GAREM2: variants seen among roughly 807,000 people sequenced by gnomAD.
GAREM2 encodes GRB2-associated and regulator of MAPK protein 2.
GAREM2 carries 30 observed loss-of-function variants against 55.6 expected under a neutral mutation model. The observed-to-expected ratio is 0.54, with a 90% CI of 0.40 to 0.73. GAREM2 has a LOEUF of 0.73. Among genes scored for constraint, GAREM2 ranks in the 30% least tolerant of loss-of-function variants. The pLI is 0.00. For missense variants in GAREM2, 1,075 were observed against 1,257.7 expected, an observed-to-expected ratio of 0.85 and a Z score of 2.20; for synonymous variants, 550 against 569.1, an observed-to-expected ratio of 0.97 and a Z score of 0.48.
chr2:26,177,649 C>CTGTGTGTG (rs1246108068), intron 2 of GAREM2, among the ~76,000 whole-genome samples: 3 of 151,184 alleles, frequency 2.0e-5, no homozygotes, highest in Non-Finnish European at 4.4e-5. Flanking sequence ...AGGCCCAGTT[C>CTGTGTGTG]TGTGTGTGTG....
intron 1 of GAREM2, among the ~76,000 whole-genome samples, chr2:26,173,833 C>T (rs1668776431): frequency 6.6e-6 from 1 of 152,216 alleles, no homozygotes; most frequent in African/African-American, 2.4e-5. Context: ...AGCCTCGGTC[C>T]TGGGGCGGGC....
At chr2:26,200,894 G>T in the GAREM2 span, among the ~76,000 whole-genome samples, 10 of 151,850 alleles carry the variant, frequency 6.6e-5, no homozygotes, top group African/African-American at 2.4e-4. Flanking sequence ...CACCATGCCC[G>T]GCTAATTTTT....
chr2:26,176,530 A>G, intron 2 of GAREM2, 46 bp downstream of exon 2: 1 of 1,440,876 alleles, frequency 6.9e-7, no homozygotes, highest in Non-Finnish European at 9.2e-7. Flanking sequence ...AGGGGGGTGT[A>G]GGCAGGAGGG....
In GAREM2 at chr2:26,185,379, T is replaced by A. The variant is rs1013750333; in HGVS notation, c.1428+103T>A. On this transcript the variant is annotated intron_variant, in intron 4 of 5. Transcript: ENST00000401533. ...GTATGTGGCAGACGAGGTGTCTTCC[T>A]CGGCGGGGTGGGGAAGGGGAGAAGG... The A allele has an allele frequency of 2.2e-6, 3 of 1,377,398 alleles. No individual in the cohort carries two copies. The Admixed American group carries it at 1.0e-4, about 47-fold the overall frequency. The allele number at this position is 1,377,398 out of a possible 1,614,324, so 85.3% of individuals were successfully genotyped here. A position where few individuals can be genotyped will look rare whatever the true frequency, so the allele number is the denominator to read the frequency against.
At chr2:26,184,194 G>A (rs1669142291) in intron 3 of GAREM2, 39 bp from the exon 4 acceptor site, 6 of 1,543,170 alleles carry the variant, frequency 3.9e-6, no homozygotes, top group African/African-American at 2.7e-5. Context: ...CTTTCCCTGG[G>A]ACCTGGCTAA....
At position 26,188,175 on chromosome 2, in the gene GAREM2, T is replaced by C; in HGVS notation, c.2543T>C (p.Ile848Thr). The C allele has an allele frequency of 6.5e-7, 1 of 1,547,580 alleles. No individual in the cohort carries two copies. The highest frequency in any genetic ancestry group is 1.2e-5 in the South Asian group (1 of 83,440). ...ATCTTTGTGCAGCTCAGTGAGGACA[T>C]CCTGGCAGATGACTTCCACCTCACC... ...GSIFVQLSED[I>T]LADDFHLTKL... The change falls in exon 6 of 6, where the codon ATC (isoleucine) becomes ACC (threonine). Residue 848 changes from isoleucine to threonine, a missense_variant. This residue lies in a region of GAREM2 where 142 missense variants were observed against 172.3 expected (regional missense o/e 0.82). Coordinates refer to ENST00000401533, the MANE Select transcript of GAREM2 (RefSeq NM_001168241.2).
chr2:26,187,527 CT>C lies in GAREM2; in HGVS notation c.1900del (p.Ser634ProfsTer140). ...TTTGCTCCGTTTGGAGCTCTCAACCCTTTTTCCGGGCCTGCCTACCCCTCAG... is the reference window on the plus strand; with the variant it reads ...TTTGCTCCGTTTGGAGCTCTCAACCCTTTTCCGGGCCTGCCTACCCCTCAG... ...KRFAPFGALNPFSGPAYPSGP... is the reference protein window; with the variant it reads ...KRFAPFGALNXFSGPAYPSGP... On this transcript the variant is annotated frameshift_variant, in exon 6 of 6. Transcript: ENST00000401533. LOFTEE classifies it high-confidence loss of function. 4.6e-6 allele frequency: 7 copies of C among 1,536,994 alleles called. No individual in the cohort carries two copies. Among genetic ancestry groups the C allele is most frequent in the East Asian group, 4.9e-5 (2 of 40,786 alleles).
rs1055578833 is a variant in GAREM2 at position 26,173,191 on chromosome 2, C to T, written c.-30C>T. 68 of 1,050,212 alleles carry T rather than the reference C, an allele frequency of 6.5e-5. No homozygotes were observed. The highest frequency in any genetic ancestry group is 8.2e-5 in the Non-Finnish European group (67 of 821,154). 65.1% of individuals were successfully genotyped at this position (1,050,212 alleles called of 1,614,324 possible). ...CCGCGCGGGACTGACCGTCGGGGCC[C>T]CGGGACGGCGGCCCCGGGGCGCCCA... is the stretch of plus-strand genomic sequence containing the variant. On this transcript the variant is annotated 5_prime_UTR_variant, in exon 1 of 6. Coordinates refer to ENST00000401533, the MANE Select transcript of GAREM2 (RefSeq NM_001168241.2).
At position 26,187,885 on chromosome 2, in the gene GAREM2, C is replaced by A. The variant is rs1330349732; in HGVS notation, c.2253C>A (p.His751Gln). 2 of 1,438,702 alleles carry A rather than the reference C, an allele frequency of 1.4e-6. No individual in the cohort carries two copies. Among genetic ancestry groups the A allele is most frequent in the Middle Eastern group, 3.6e-4 (2 of 5,480 alleles). 89.1% of individuals were successfully genotyped at this position (1,438,702 alleles called of 1,614,324 possible). The change falls in exon 6 of 6, where the codon CAC becomes CAA. Residue 751 changes from histidine to glutamine, a missense_variant. Physicochemically the swap from His to Gln is conservative, Grantham distance 24. Coordinates refer to ENST00000401533, the MANE Select transcript of GAREM2 (RefSeq NM_001168241.2). ...KAFEPEGLVL[H>Q]QVPTPLSPAA... ...TTGAGCCTGAAGGTTTGGTGCTGCACCAGGTCCCCACCCCACTGTCACCAG... is the reference window on the plus strand; with the variant it reads ...TTGAGCCTGAAGGTTTGGTGCTGCAACAGGTCCCCACCCCACTGTCACCAG...
chr2:26,183,129 C>T, intron 3 of GAREM2, 32 bp downstream of exon 3: 2 of 1,548,728 alleles, frequency 1.3e-6, no homozygotes, highest in Admixed American at 2.0e-5. Flanking sequence ...TGTGGTGTCC[C>T]CACACTACTC....
chr2:26,180,385 C>T (rs1165218802), intron 2 of GAREM2, among the ~76,000 whole-genome samples: 1 of 152,164 alleles, frequency 6.6e-6, no homozygotes, highest in Non-Finnish European at 1.5e-5. Context: ...AAGGGTCAAG[C>T]CCCCTGCTCT....
intron 2 of GAREM2, chr2:26,181,118 T>G (rs1025727109): frequency 2.0e-6 from 2 of 985,394 alleles, no homozygotes; most frequent in African/African-American, 3.5e-5. Context: ...GTTATTTTAA[T>G]AGAGCTGAAC....
chr2:26,174,901 G>A (rs1668811044), intron 1 of GAREM2, among the ~76,000 whole-genome samples: 1 of 152,214 alleles, frequency 6.6e-6, no homozygotes, highest in Non-Finnish European at 1.5e-5. Context: ...CCATGTGGCT[G>A]TGAAGATGGG....
intron 1 of GAREM2, among the ~76,000 whole-genome samples, chr2:26,173,649 G>A (rs1317031642): frequency 1.5e-5 from 2 of 136,290 alleles, no homozygotes; most frequent in African/African-American, 5.5e-5. Flanking sequence ...TTCCCCCGCT[G>A]CCCCTGGGCC....
intron 3 of GAREM2, 67 bp downstream of exon 3, chr2:26,183,164 C>G: frequency 6.6e-7 from 1 of 1,519,600 alleles, no homozygotes; most frequent in Non-Finnish European, 8.9e-7. Context: ...AACCCTGACT[C>G]TGGTTGGAAG....
At chr2:26,174,566 C>T (rs1201495044) in intron 1 of GAREM2, among the ~76,000 whole-genome samples, 1 of 152,224 alleles carries the variant, frequency 6.6e-6, no homozygotes, top group Non-Finnish European at 1.5e-5. Flanking sequence ...TGTCTTTAGA[C>T]CTGGCTGTGG....
chr2:26,180,907 G>A (rs1400750908), intron 2 of GAREM2: 6 of 985,308 alleles, frequency 6.1e-6, no homozygotes, highest in African/African-American at 1.7e-5. Flanking sequence ...GTGAGCCACC[G>A]TGCCTGGCCT....
downstream of GAREM2, chr2:26,193,429 C>G (rs1669570090): frequency 1.3e-6 from 1 of 776,414 alleles, no homozygotes; most frequent in African/African-American, 1.7e-5. Context: ...GCACCTGACT[C>G]ATAAAATCAT....
At position 26,187,630 on chromosome 2, in the gene GAREM2, A is replaced by T. The variant is rs985000168; in HGVS notation, c.1998A>T (p.Pro666=). The T allele has an allele frequency of 7.1e-6, 11 of 1,548,196 alleles. No individual in the cohort carries two copies. The highest frequency in any genetic ancestry group is 4.0e-5 in the Admixed American group (2 of 50,540). Residue 666 remains proline (P), a synonymous_variant, in exon 6 of 6, where the codon CCA becomes CCT. Coordinates refer to ENST00000401533, the MANE Select transcript of GAREM2 (RefSeq NM_001168241.2). ...PVATSGPAYS[P]GPASPGQAYS... is the part of the protein sequence containing the mutation. ...CTACCTCTGGCCCTGCGTATTCCCC[A>T]GGCCCAGCCTCGCCAGGCCAGGCCT...
Sources: gnomAD v4.1 joint callset for allele counts (sites outside exome capture counted in the v4.1 genomes callset) on GRCh38, gnomAD v4.1.1 for gene constraint, gnomAD v4.1.1 regional missense constraint, MANE v1.5 for transcripts, NCBI Gene and HGNC (gene_info 2026-07-23, HGNC 2026-07-21) for gene names.